DPY19L3: variants seen among roughly 807,000 people sequenced by gnomAD.
DPY19L3 encodes the protein protein C-mannosyl-transferase DPY19L3.
Under a neutral mutation model 92.3 loss-of-function variants are expected in DPY19L3, and 51 were observed. The ratio of observed to expected loss-of-function variants is 0.55; its 90% CI spans 0.44 to 0.70. The LOEUF (loss-of-function observed/expected upper bound fraction) is 0.70, where lower values mean the gene tolerates loss of function less well. Ranked by LOEUF, DPY19L3 falls within the 30% of genes least tolerant of loss-of-function variation. The pLI, the probability that DPY19L3 is intolerant of heterozygous loss-of-function variation, is 0.00. For missense variants in DPY19L3, 706 were observed against 855.9 expected, an observed-to-expected ratio of 0.82 and a Z score of 2.18; for synonymous variants, 309 against 315.2, an observed-to-expected ratio of 0.98 and a Z score of 0.21.
At chr19:32,416,814 A>G (rs968672021) in intron 3 of DPY19L3, among the ~76,000 whole-genome samples, 2 of 152,200 alleles carry the variant, frequency 1.3e-5, no homozygotes, top group Non-Finnish European at 1.5e-5. Context: ...TTCGTTATGT[A>G]GGCATGATTG....
rs71176123 is a variant in DPY19L3, at chr19:32,423,402, ATT to A, written c.238-9297_238-9296del. Among the ~76,000 whole-genome samples the A allele has an allele frequency of 7.9e-4, 65 of 82,210 alleles. 2 individuals carry two copies. The highest frequency in any genetic ancestry group is 5.0e-3 in the South Asian group (11 of 2,198). 53.9% of individuals were successfully genotyped at this position (82,210 alleles called of 152,430 possible). On this transcript the variant is annotated intron_variant, in intron 3 of 18. Coordinates refer to ENST00000392250, the MANE Select transcript of DPY19L3 (RefSeq NM_001172774.2). ...AGGCATGCACCACCATGCCCAGCTA[ATT>A]TTTTTTTTTTTTTTTTGGTATTTTT...
Position 32,436,521 on chromosome 19 carries a change from A to G in DPY19L3, c.404A>G (p.Tyr135Cys). 1 of 1,581,058 alleles carries G rather than the reference A, an allele frequency of 6.3e-7. No individual in the cohort carries two copies. Among genetic ancestry groups the G allele is most frequent in the Non-Finnish European group, 8.6e-7 (1 of 1,157,492 alleles). The change falls in exon 5 of 19, where the codon TAC becomes TGC. Residue 135 changes from tyrosine (Y) to cysteine (C), a missense_variant. Tyr to Cys is a radical substitution (Grantham distance 194). Transcript: ENST00000392250. ...TINLLQRMNI[Y>C]QEVFLSILYR... Reference sequence around the variant, plus strand: ...AACCTCCTTCAGCGAATGAATATTTACCAAGAGGTTTTTCTCAGTATTTTA... The same window carrying G: ...AACCTCCTTCAGCGAATGAATATTTGCCAAGAGGTTTTTCTCAGTATTTTA...
chr19:32,454,573 CAAAA>C (rs1471192587), intron 9 of DPY19L3, among the ~76,000 whole-genome samples: 1 of 151,516 alleles, frequency 6.6e-6, no homozygotes, highest in East Asian at 1.9e-4. Context: ...GACTCCGTCT[CAAAA>C]GAAAAAGAAA....
intron 3 of DPY19L3, among the ~76,000 whole-genome samples, chr19:32,413,718 CTT>C (rs1968278287): frequency 1.3e-5 from 2 of 150,462 alleles, no homozygotes; most frequent in African/African-American, 4.9e-5. Flanking sequence ...GTTTATATAT[CTT>C]TTTTTGGGAG....
At position 32,485,199 on chromosome 19, in the gene DPY19L3, A is replaced by G. The variant is rs963348533; in HGVS notation, c.*2959A>G. 6.6e-6 allele frequency: 1 copy of G among 152,222 alleles called. No individual in the cohort carries two copies. Among genetic ancestry groups the G allele is most frequent in the Non-Finnish European group, 1.5e-5 (1 of 68,038 alleles). 9.4% of individuals were successfully genotyped at this position (152,222 alleles called of 1,614,324 possible). The stretch of plus-strand genomic sequence containing the variant: ...TACTTACTTTATTAAATGACCAACT[A>G]CTGATACTGATCACAATAGTTATTA... On this transcript the variant is annotated 3_prime_UTR_variant, in exon 19 of 19. Transcript: ENST00000392250.
At chr19:32,471,121 A>G (rs992090226) in intron 16 of DPY19L3, among the ~76,000 whole-genome samples, 1 of 152,062 alleles carries the variant, frequency 6.6e-6, no homozygotes, top group Non-Finnish European at 1.5e-5. Flanking sequence ...GTAAAATATG[A>G]CCTTCAAGTT....
chr19:32,430,855 T>C (rs1300058624), intron 3 of DPY19L3, among the ~76,000 whole-genome samples: 1 of 150,578 alleles, frequency 6.6e-6, no homozygotes, highest in African/African-American at 2.4e-5. Context: ...CTTGAACTCC[T>C]GAGCTCAAGC....
intron 3 of DPY19L3, chr19:32,428,044 T>C (rs1230423772): frequency 6.8e-6 from 1 of 147,440 alleles, no homozygotes; most frequent in Non-Finnish European, 1.5e-5. Context: ...GGATCTCAGC[T>C]GACTGCAACT....
chr19:32,429,064 G>T (rs1450578022), intron 3 of DPY19L3, among the ~76,000 whole-genome samples: 1 of 152,022 alleles, frequency 6.6e-6, no homozygotes, highest in Admixed American at 6.6e-5. Flanking sequence ...GGCCAGGCTG[G>T]TCGTGAACTC....
chr19:32,429,098 C>T (rs1968873533), intron 3 of DPY19L3, among the ~76,000 whole-genome samples: 1 of 152,202 alleles, frequency 6.6e-6, no homozygotes, highest in Admixed American at 6.5e-5. Context: ...CCACCCGCCT[C>T]AGCCTCCCAA....
chr19:32,428,743 T>G (rs1279561919), intron 3 of DPY19L3, among the ~76,000 whole-genome samples: 1 of 152,208 alleles, frequency 6.6e-6, no homozygotes, highest in African/African-American at 2.4e-5. Context: ...TCATTTATTG[T>G]GAGCAGTCAT....
chr19:32,449,595 TGAGA>T (rs1272767982), intron 8 of DPY19L3, among the ~76,000 whole-genome samples: 1 of 152,018 alleles, frequency 6.6e-6, no homozygotes, highest in African/African-American at 2.4e-5. Context: ...GGAATAGAAT[TGAGA>T]GAGAGAAATA....
At chr19:32,422,311 T>G (rs977729272) in intron 3 of DPY19L3, among the ~76,000 whole-genome samples, 1 of 152,204 alleles carries the variant, frequency 6.6e-6, no homozygotes, top group African/African-American at 2.4e-5. Context: ...TAAGAAGGTA[T>G]GTGCCTTCTT....
At chr19:32,467,242 A>C (rs1970228843) in intron 15 of DPY19L3, among the ~76,000 whole-genome samples, 1 of 152,196 alleles carries the variant, frequency 6.6e-6, no homozygotes. Flanking sequence ...CAAAATTCTC[A>C]CTAGCTTTTA....
chr19:32,442,854 A>C (rs550760381), intron 8 of DPY19L3, among the ~76,000 whole-genome samples: 1 of 152,268 alleles, frequency 6.6e-6, no homozygotes, highest in South Asian at 2.1e-4. Flanking sequence ...ACCCTCACCT[A>C]GCTGTCACTA....
intron 2 of DPY19L3, among the ~76,000 whole-genome samples, chr19:32,410,796 T>A (rs574564522): frequency 6.6e-6 from 1 of 152,208 alleles, no homozygotes; most frequent in East Asian, 2.0e-4. Flanking sequence ...AAACAATAAT[T>A]ATTTTTTAGG....
chr19:32,407,619 A>C (rs1393755938), intron 1 of DPY19L3, among the ~76,000 whole-genome samples: 1 of 152,176 alleles, frequency 6.6e-6, no homozygotes, highest in Non-Finnish European at 1.5e-5. Flanking sequence ...CGGAACTGGA[A>C]TGTCCCAAGA....
chr19:32,440,635 A>G (rs1174037957), intron 8 of DPY19L3, among the ~76,000 whole-genome samples: 1 of 152,206 alleles, frequency 6.6e-6, no homozygotes, highest in African/African-American at 2.4e-5. Flanking sequence ...TAAGAAACAT[A>G]AAAGTCTACC....
At chr19:32,437,745 A>G (rs1052232143) in intron 6 of DPY19L3, among the ~76,000 whole-genome samples, 1 of 151,876 alleles carries the variant, frequency 6.6e-6, no homozygotes, top group Non-Finnish European at 1.5e-5. Flanking sequence ...AGATCAAGGT[A>G]ATTAACGTAT....
Sources: gnomAD v4.1 joint callset for allele counts (sites outside exome capture counted in the v4.1 genomes callset) on GRCh38, gnomAD v4.1.1 for gene constraint, MANE v1.5 for transcripts, NCBI Gene and HGNC (gene_info 2026-07-23, HGNC 2026-07-21) for gene names.